Variants in MAD1L1 observed in about 807,000 individuals in gnomAD.
MAD1L1 encodes mitotic spindle assembly checkpoint protein MAD1.
Under a neutral mutation model 96.9 loss-of-function variants are expected in MAD1L1, and 95 were observed. The ratio of observed to expected loss-of-function variants is 0.98; its 90% CI spans 0.83 to 1.16. The LOEUF (loss-of-function observed/expected upper bound fraction) is 1.16, where lower values mean the gene tolerates loss of function less well. MAD1L1 is among the 50% of genes most tolerant of loss of function. The probability of loss-of-function intolerance (pLI) is 0.00; values close to 1 mark genes in which losing one functional copy is unlikely to be tolerated. For missense variants in MAD1L1, 1,007 were observed against 954.4 expected (o/e 1.06, Z -0.73); for synonymous variants, 473 against 396.6 (o/e 1.19, Z -2.29).
At chr7:2,124,399 C>T (rs1670710030) in intron 11 of MAD1L1, among the ~76,000 whole-genome samples, 1 of 152,228 alleles carries the variant, frequency 6.6e-6, no homozygotes, top group Non-Finnish European at 1.5e-5. Context: ...AAAGGAAGAG[C>T]AGGCTCCCCC....
At chr7:2,008,533 G>A (rs1300247803) in intron 13 of MAD1L1, among the ~76,000 whole-genome samples, 1 of 152,262 alleles carries the variant, frequency 6.6e-6, no homozygotes, top group African/African-American at 2.4e-5. Flanking sequence ...GGTGCAGCCT[G>A]TTCTGATGCG....
chr7:1,882,494 C>A (rs117187485), intron 18 of MAD1L1, among the ~76,000 whole-genome samples: 3 of 152,282 alleles, frequency 2.0e-5, no homozygotes, highest in Admixed American at 6.5e-5. Context: ...GGGTGAGGGG[C>A]GCGCGGGCCG....
chr7:1,856,729 C>T (rs1268587612), intron 18 of MAD1L1, among the ~76,000 whole-genome samples: 2 of 152,220 alleles, frequency 1.3e-5, no homozygotes, highest in Non-Finnish European at 2.9e-5. Flanking sequence ...TCCCTGCTTC[C>T]TGCCAGCGGC....
intron 10 of MAD1L1, among the ~76,000 whole-genome samples, chr7:2,165,586 G>A (rs1293075624): frequency 1.3e-5 from 2 of 152,036 alleles, no homozygotes; most frequent in Non-Finnish European, 2.9e-5. Context: ...ATGGGGAAAC[G>A]TGGTCCAGGG....
chr7:1,914,373 G>A (rs547991765), intron 17 of MAD1L1, among the ~76,000 whole-genome samples: 6 of 152,346 alleles, frequency 3.9e-5, no homozygotes, highest in South Asian at 4.1e-4. Context: ...CTACAATCAC[G>A]CGGGTCTTCA....
chr7:2,220,797 G>A, intron 5 of MAD1L1: 2 of 1,302,848 alleles, frequency 1.5e-6, no homozygotes, highest in Admixed American at 2.4e-5. Context: ...GCATCAACCT[G>A]GGAGTCAACA....
chr7:2,068,493 G>C (rs1379635297), intron 12 of MAD1L1, among the ~76,000 whole-genome samples: 1 of 152,210 alleles, frequency 6.6e-6, no homozygotes, highest in Non-Finnish European at 1.5e-5. Flanking sequence ...TCCTGGGCCA[G>C]GGTGGCACAG....
rs984364937 is a variant in MAD1L1 at position 2,142,423 on chromosome 7, G to C, written c.1073+6729C>G. ...CCAGGCATGGTCCGGGGCTGCGGGA[G>C]AAACTCTTGGGACCAGCCCCACATG... On this transcript the variant is annotated intron_variant, in intron 11 of 18. Coordinates refer to ENST00000265854, the MANE Select transcript of MAD1L1 (RefSeq NM_001013836.2). This position sits in a 1 kb window ranked among gnomAD's most constrained non-coding sequence, Gnocchi z 4.7. Among the ~76,000 whole-genome samples, 1 of 152,238 alleles carries C rather than the reference G, an allele frequency of 6.6e-6. No homozygotes were observed. The highest frequency in any genetic ancestry group is 1.5e-5 in the Non-Finnish European group (1 of 68,042).
intron 15 of MAD1L1, among the ~76,000 whole-genome samples, chr7:1,965,640 T>G (rs1780133585): frequency 6.6e-6 from 1 of 152,268 alleles, no homozygotes; most frequent in South Asian, 2.1e-4. Context: ...GGCCCCTGCC[T>G]CTGCTCTTCG....
intron 17 of MAD1L1, among the ~76,000 whole-genome samples, chr7:1,931,719 A>T (rs1789491230): frequency 6.7e-6 from 1 of 149,530 alleles, no homozygotes; most frequent in Admixed American, 6.7e-5. Flanking sequence ...TGTTCAGATC[A>T]GGCCTCAGCT....
At chr7:1,926,447 T>C (rs180753633) in intron 17 of MAD1L1, among the ~76,000 whole-genome samples, 9 of 152,308 alleles carry the variant, frequency 5.9e-5, no homozygotes, top group Non-Finnish European at 1.0e-4. Context: ...CAGACCAATA[T>C]GAACACAGAC....
At chr7:1,941,193 C>A (rs1232216752) in intron 16 of MAD1L1, among the ~76,000 whole-genome samples, 1 of 152,176 alleles carries the variant, frequency 6.6e-6, no homozygotes, top group East Asian at 1.9e-4. Flanking sequence ...GGCGTTGGAC[C>A]CAGCAGTGCC....
At chr7:2,026,431 A>G (rs1359573715) in intron 12 of MAD1L1, among the ~76,000 whole-genome samples, 1 of 152,254 alleles carries the variant, frequency 6.6e-6, no homozygotes, top group East Asian at 1.9e-4. Context: ...AATGTGAAGA[A>G]TAAGATTAAC....
chr7:2,210,426 CCGCCAGCCCGCA>C (rs1792860893), intron 10 of MAD1L1, among the ~76,000 whole-genome samples: 1 of 140,380 alleles, frequency 7.1e-6, no homozygotes, highest in African/African-American at 2.5e-5. Flanking sequence ...GTATTCGGGA[CCGCCAGCCCGCA>C]TTCCCGTGGA....
At chr7:1,901,871 C>T (rs992219947) in intron 17 of MAD1L1, among the ~76,000 whole-genome samples, 1 of 152,194 alleles carries the variant, frequency 6.6e-6, no homozygotes, top group Non-Finnish European at 1.5e-5. Context: ...GCCTAGATAC[C>T]GGCCCTCCTC....
chr7:1,934,880 C>A (rs535611415), intron 17 of MAD1L1, among the ~76,000 whole-genome samples: 4 of 151,304 alleles, frequency 2.6e-5, no homozygotes, highest in Non-Finnish European at 5.9e-5. Flanking sequence ...AACAGACGGG[C>A]GAACCCGAGA....
chr7:2,013,283 G>A (rs1782382774), intron 13 of MAD1L1, among the ~76,000 whole-genome samples: 1 of 152,214 alleles, frequency 6.6e-6, no homozygotes, highest in African/African-American at 2.4e-5. Context: ...CTACAACAGG[G>A]CAACAGGCCA....
chr7:2,171,897 G>A (rs973186783), intron 10 of MAD1L1, among the ~76,000 whole-genome samples: 2 of 152,206 alleles, frequency 1.3e-5, no homozygotes, highest in African/African-American at 4.8e-5. Context: ...ACCCGTAAGA[G>A]ATGCCAGAAA....
At chr7:2,207,695 C>T (rs190981665) in intron 10 of MAD1L1, among the ~76,000 whole-genome samples, 15 of 152,306 alleles carry the variant, frequency 9.8e-5, no homozygotes, top group Non-Finnish European at 1.3e-4. Context: ...AGCATCTTCC[C>T]GAGTTCTGTG....
Sources: gnomAD v4.1 joint callset for allele counts (sites outside exome capture counted in the v4.1 genomes callset) on GRCh38, gnomAD v4.1.1 for gene constraint, Gnocchi (gnomAD v3.1) non-coding constraint, MANE v1.5 for transcripts, NCBI Gene and HGNC (gene_info 2026-07-23, HGNC 2026-07-21) for gene names.